Variants in CHGB observed in about 807,000 individuals in gnomAD.
CHGB encodes the protein chromogranin B.
Under a neutral mutation model 69.9 loss-of-function variants are expected in CHGB, and 46 were observed. That is an observed-to-expected ratio of 0.66 (90% CI 0.52 to 0.84). CHGB has a LOEUF of 0.84. Ranked by LOEUF, CHGB falls within the 40% of genes least tolerant of loss-of-function variation. The pLI, the probability that CHGB is intolerant of heterozygous loss-of-function variation, is 0.00. For synonymous variants in CHGB, 312 were observed against 298.2 expected (o/e 1.05, Z -0.48); for missense variants, 796 against 822.2 (o/e 0.97, Z 0.39).
At chr20:5,919,270 C>A (rs368645154) in intron 3 of CHGB, among the ~76,000 whole-genome samples, 1 of 152,150 alleles carries the variant, frequency 6.6e-6, no homozygotes, top group East Asian at 1.9e-4. Context: ...GCCCTGAGGT[C>A]TTTTGGTGTC....
intron 1 of CHGB, chr20:5,915,473 G>T (rs2088469951): frequency 1.3e-5 from 2 of 152,310 alleles, no homozygotes; most frequent in Middle Eastern, 3.4e-3. Context: ...CAAACAGTGT[G>T]GAGAAAGAGA....
At position 5,923,283 on chromosome 20, in the gene CHGB, G is replaced by C. The variant is rs754574598; in HGVS notation, c.1139G>C (p.Ser380Thr). Reference sequence around the variant, plus strand: ...GCTCCAAGACCTCAGAGTGAGGAGAGTTGGGATGAGGAGGACAAGAGAAAC... The same window carrying C: ...GCTCCAAGACCTCAGAGTGAGGAGACTTGGGATGAGGAGGACAAGAGAAAC... ...YRAPRPQSEESWDEEDKRNYP... is the reference protein window; with the variant it reads ...YRAPRPQSEETWDEEDKRNYP... The change falls in exon 4 of 5, where the codon AGT (serine) becomes ACT (threonine). Residue 380 changes from serine to threonine, a missense_variant. Around this residue, in one of 3 missense-constraint regions of CHGB, gnomAD observed 518 missense variants for 506.3 expected, o/e 1.02. Transcript: ENST00000378961. 1 of 1,613,644 alleles carries C rather than the reference G, an allele frequency of 6.2e-7. No individual in the cohort carries two copies.
chr20:5,911,854 C>T (rs2088448924), intron 1 of CHGB, among the ~76,000 whole-genome samples, 172 bp downstream of exon 1: 2 of 152,346 alleles, frequency 1.3e-5, no homozygotes, highest in East Asian at 1.9e-4. Context: ...GCTCCTCCCA[C>T]CCGTTTGACT....
At chr20:5,922,198 G>C in intron 3 of CHGB, 137 bp from the exon 4 acceptor site, 1 of 1,194,064 alleles carries the variant, frequency 8.4e-7, no homozygotes, top group Admixed American at 3.2e-5. Flanking sequence ...AAAGGAATCT[G>C]AGTATATTCT....
chr20:5,914,331 T>A (rs1035983848), intron 1 of CHGB, among the ~76,000 whole-genome samples: 1 of 152,186 alleles, frequency 6.6e-6, no homozygotes. Flanking sequence ...CTAGTTTTTT[T>A]TTCCATCAAA....
chr20:5,920,717 T>C (rs529565242), intron 3 of CHGB, among the ~76,000 whole-genome samples: 1 of 152,318 alleles, frequency 6.6e-6, no homozygotes, highest in South Asian at 2.1e-4. Context: ...AGAGCCACCA[T>C]GCTTCCCTGT....
At chr20:5,914,006 C>A (rs2088461997) in intron 1 of CHGB, among the ~76,000 whole-genome samples, 1 of 152,152 alleles carries the variant, frequency 6.6e-6, no homozygotes, top group Non-Finnish European at 1.5e-5. Context: ...AGTATCAAAC[C>A]TTAACAGTAT....
At position 5,925,201 on chromosome 20, in the gene CHGB, T is replaced by G; in HGVS notation, c.*152T>G. ...TGACACAATTGGAATTGTCTTTAAT[T>G]TCTGTCAGAATGCTATTGAAAATGT... On this transcript the variant is annotated 3_prime_UTR_variant, in exon 5 of 5. Coordinates refer to ENST00000378961, the MANE Select transcript of CHGB (RefSeq NM_001819.3). 1 of 531,278 alleles carries G rather than the reference T, an allele frequency of 1.9e-6. No homozygotes were observed. Among genetic ancestry groups the G allele is most frequent in the Non-Finnish European group, 3.3e-6 (1 of 299,982 alleles). The allele number at this position is 531,278 out of a possible 1,614,324, so 32.9% of individuals were successfully genotyped here.
In CHGB at chr20:5,923,918, G is replaced by A; in HGVS notation, c.1774G>A (p.Val592Ile). ...GTATGAGAAGAGAAACCTCGCCAGGGTCCCCAAGCTGGACCTGAAAAGGCA... is the reference window on the plus strand; with the variant it reads ...GTATGAGAAGAGAAACCTCGCCAGGATCCCCAAGCTGGACCTGAAAAGGCA... The part of the protein sequence containing the change: ...WGYEKRNLAR[V>I]PKLDLKRQYD... The change falls in exon 4 of 5, where the codon GTC becomes ATC. Residue 592 changes from valine (V) to isoleucine (I), a missense_variant. By Grantham distance (29) the Val-to-Ile change is conservative (BLOSUM62 3). Coordinates refer to ENST00000378961, the MANE Select transcript of CHGB (RefSeq NM_001819.3). 1.2e-6 allele frequency: 2 copies of A among 1,614,150 alleles called. No homozygotes were observed. Among genetic ancestry groups the A allele is most frequent in the Non-Finnish European group, 1.7e-6 (2 of 1,180,022 alleles).
At chr20:5,924,937 G>T (rs751049109) in intron 4 of CHGB, 35 bp from the exon 5 acceptor site, 11 of 1,385,302 alleles carry the variant, frequency 7.9e-6, no homozygotes, top group African/African-American at 2.9e-5. Context: ...AAATTGGTTC[G>T]GGACCTCATG....
At position 5,922,639 on chromosome 20, in the gene CHGB, G is replaced by A. The variant is rs771293617; in HGVS notation, c.495G>A (p.Glu165=). 1.9e-6 allele frequency: 3 copies of A among 1,608,906 alleles called. No individual in the cohort carries two copies. Among genetic ancestry groups the A allele is most frequent in the East Asian group, 2.2e-5 (1 of 44,724 alleles). Residue 165 remains glutamate, a synonymous_variant, in exon 4 of 5, where the codon GAG becomes GAA. Coordinates refer to ENST00000378961, the MANE Select transcript of CHGB (RefSeq NM_001819.3). ...RHSEKSQRED[E]EEEEGENYQK... is the part of the protein sequence containing the mutation. ...CTGAGAAGAGCCAGAGAGAGGATGA[G>A]GAGGAGGAGGAGGGAGAGAACTATC...
chr20:5,911,656 G>C lies in CHGB; in HGVS notation c.23G>C (p.Ser8Thr). 6.6e-7 allele frequency: 1 copy of C among 1,507,188 alleles called. No homozygotes were observed. Among genetic ancestry groups the C allele is most frequent in the Non-Finnish European group, 8.8e-7 (1 of 1,132,338 alleles). 93.4% of individuals were successfully genotyped at this position (1,507,188 alleles called of 1,614,324 possible). MQPTLLL[S>T]LLGAVGLAAV... ...GCCATGCAGCCAACGCTGCTTCTCA[G>C]CCTCCTGGGAGCCGTGGGGCTGGCG... The change falls in exon 1 of 5, where the codon AGC becomes ACC. Residue 8 changes from serine to threonine, a missense_variant. Physicochemically the swap from Ser to Thr is moderately conservative, Grantham distance 58 (BLOSUM62 1). Coordinates refer to ENST00000378961, the MANE Select transcript of CHGB (RefSeq NM_001819.3).
Position 5,922,917 on chromosome 20 carries a change from G to C in CHGB, c.773G>C (p.Arg258Pro). ...CCCCAGGAGTCTAAAGGCCAACCCC[G>C]AAGCCAGGAAGAATCTGAGGAAGGT... ...NHPQESKGQPRSQEESEEGEE... is the reference protein window; with the variant it reads ...NHPQESKGQPPSQEESEEGEE... Residue 258 changes from arginine to proline, a missense_variant, in exon 4 of 5, where the codon CGA (arginine) becomes CCA (proline). Physicochemically the swap from Arg to Pro is moderately radical, Grantham distance 103. This residue lies in a region of CHGB where 518 missense variants were observed against 506.3 expected (regional missense o/e 1.02). Coordinates refer to ENST00000378961, the MANE Select transcript of CHGB (RefSeq NM_001819.3). 1 of 1,613,094 alleles carries C rather than the reference G, an allele frequency of 6.2e-7. No homozygotes were observed. Among genetic ancestry groups the C allele is most frequent in the Non-Finnish European group, 8.5e-7 (1 of 1,179,586 alleles).
Position 5,916,806 on chromosome 20 carries a change from G to A in CHGB, c.97-20G>A, listed in dbSNP as rs368133653. ...CCAGTGATACCAGCTTCTCCAACCT[G>A]CTTTCGGGTTTCCCCCCAGGTGACT... is the stretch of plus-strand genomic sequence containing the variant. On this transcript the variant is annotated intron_variant, in intron 2 of 4. Coordinates refer to ENST00000378961, the MANE Select transcript of CHGB (RefSeq NM_001819.3). 5.0e-5 allele frequency: 81 copies of A among 1,613,296 alleles called. No homozygotes were observed. Among genetic ancestry groups the A allele is most frequent in the Admixed American group, 1.7e-4 (10 of 60,004 alleles).
intron 1 of CHGB, among the ~76,000 whole-genome samples, chr20:5,914,231 T>C (rs1025387573): frequency 4.6e-5 from 7 of 152,340 alleles, no homozygotes; most frequent in African/African-American, 1.7e-4. Flanking sequence ...TGCCTTTGGC[T>C]ATTACCTTGT....
At chr20:5,924,170 C>A in intron 4 of CHGB, 70 bp downstream of exon 4, 3 of 1,457,834 alleles carry the variant, frequency 2.1e-6, no homozygotes, top group South Asian at 1.5e-5. Context: ...TCAAGACTAT[C>A]CGATATTCAC....
chr20:5,913,737 G>A (rs1025698804), intron 1 of CHGB, among the ~76,000 whole-genome samples: 2 of 145,204 alleles, frequency 1.4e-5, no homozygotes, highest in Admixed American at 1.4e-4. Context: ...TCAAGCAATT[G>A]TCTTGCTTCA....
chr20:5,920,422 AT>A (rs1399305410), intron 3 of CHGB, among the ~76,000 whole-genome samples: 1 of 151,600 alleles, frequency 6.6e-6, no homozygotes, highest in African/African-American at 2.4e-5. Context: ...ACTAACATTT[AT>A]TTTTCACAGT....
chr20:5,919,616 G>A (rs946697140), intron 3 of CHGB, among the ~76,000 whole-genome samples: 3 of 152,142 alleles, frequency 2.0e-5, no homozygotes, highest in Admixed American at 6.5e-5. Context: ...GACATCTCCT[G>A]GTATTTTCAT....
Sources: gnomAD v4.1 joint callset for allele counts (sites outside exome capture counted in the v4.1 genomes callset) on GRCh38, gnomAD v4.1.1 for gene constraint, gnomAD v4.1.1 regional missense constraint, MANE v1.5 for transcripts, NCBI Gene and HGNC (gene_info 2026-07-23, HGNC 2026-07-21) for gene names.